The following AASS variants were observed in gnomAD, a reference collection of about 807,000 sequenced individuals.
AASS encodes the protein aminoadipate-semialdehyde synthase, also known as alpha-aminoadipic semialdehyde synthase, mitochondrial.
In AASS, 86 loss-of-function variants were observed where a neutral mutation model predicts 105.4. That is an observed-to-expected ratio of 0.82 (90% CI 0.69 to 0.98). The LOEUF is 0.98. Ranked by LOEUF, AASS falls within the 50% of genes least tolerant of loss-of-function variation. AASS has a pLI of 0.00. For missense variants in AASS, 1,048 were observed against 1,143.2 expected, an observed-to-expected ratio of 0.92 and a Z score of 1.20; for synonymous variants, 381 against 394.8, an observed-to-expected ratio of 0.96 and a Z score of 0.41.
chr7:122,141,406 A>G (rs1467319663), intron 1 of AASS, among the ~76,000 whole-genome samples: 5 of 152,180 alleles, frequency 3.3e-5, no homozygotes, highest in Non-Finnish European at 7.4e-5. Context: ...ATCGGAGTCT[A>G]GTCCAAAATG....
intron 22 of AASS, 83 bp from the exon 23 acceptor site, chr7:122,078,097 C>CTTT (rs1391364186): frequency 7.3e-7 from 1 of 1,375,360 alleles, no homozygotes; most frequent in East Asian, 2.3e-5. Flanking sequence ...CCCTTCTGGT[C>CTTT]TTAAAAGTTT....
intron 9 of AASS, among the ~76,000 whole-genome samples, chr7:122,114,298 T>C (rs1795070521): frequency 6.6e-6 from 1 of 152,208 alleles, no homozygotes; most frequent in Non-Finnish European, 1.5e-5. Flanking sequence ...TTGGAATTCT[T>C]GTTCTCCTCA....
At chr7:122,104,841 T>C (rs1401504913) in intron 11 of AASS, among the ~76,000 whole-genome samples, 1 of 151,920 alleles carries the variant, frequency 6.6e-6, no homozygotes, top group African/African-American at 2.4e-5. Context: ...CTCACTACTT[T>C]AGTGACGAAT....
At chr7:122,085,470 C>T (rs750069431) in intron 19 of AASS, among the ~76,000 whole-genome samples, 2 of 151,700 alleles carry the variant, frequency 1.3e-5, no homozygotes, top group Non-Finnish European at 2.9e-5. Flanking sequence ...TCATCCCGTC[C>T]GTTTCCTCCC....
intron 13 of AASS, among the ~76,000 whole-genome samples, chr7:122,100,776 CA>C (rs1794387459): frequency 6.6e-6 from 1 of 151,728 alleles, no homozygotes; most frequent in Non-Finnish European, 1.5e-5. Flanking sequence ...ATTAAGGAAA[CA>C]AGGGCCTTAG....
chr7:122,137,851 A>G (rs1301932873), intron 1 of AASS, among the ~76,000 whole-genome samples: 1 of 152,176 alleles, frequency 6.6e-6, no homozygotes, highest in African/African-American at 2.4e-5. Flanking sequence ...GGAAGGAGGG[A>G]AGATCAGGGT....
intron 21 of AASS, 41 bp downstream of exon 21, chr7:122,079,556 A>G: frequency 2.1e-6 from 3 of 1,405,228 alleles, no homozygotes; most frequent in Non-Finnish European, 3.0e-6. Flanking sequence ...GCAATCATTG[A>G]TCCAGTATAT....
At chr7:122,084,121 T>G (rs994094564) in intron 19 of AASS, among the ~76,000 whole-genome samples, 5 of 152,188 alleles carry the variant, frequency 3.3e-5, no homozygotes, top group African/African-American at 1.2e-4. Context: ...ACTCATATTC[T>G]TTGAACAAAT....
intron 4 of AASS, among the ~76,000 whole-genome samples, chr7:122,121,714 A>T (rs1398712574): frequency 6.6e-6 from 1 of 152,098 alleles, no homozygotes; most frequent in Non-Finnish European, 1.5e-5. Context: ...GATGTTTTTT[A>T]TGTTTGTTTA....
Position 122,078,953 on chromosome 7 carries a change from G to GA in AASS, c.2397-4dup, listed in dbSNP as rs751129137. ...GTTCATCCCCAAGTAAGCCCAACCT[G>GA]AAAAGCACAGGAGATGGCTGCATTA... On this transcript the variant is annotated splice_region_variant and splice_polypyrimidine_tract_variant and intron_variant, in intron 21 of 23. Coordinates refer to ENST00000417368, the MANE Select transcript of AASS (RefSeq NM_005763.4). The GA allele has an allele frequency of 2.5e-6, 4 of 1,614,110 alleles. No individual in the cohort carries two copies. The highest frequency in any genetic ancestry group is 3.4e-6 in the Non-Finnish European group (4 of 1,179,996).
intron 21 of AASS, 91 bp downstream of exon 21, chr7:122,079,506 G>A: frequency 2.6e-6 from 3 of 1,167,962 alleles, no homozygotes; most frequent in Middle Eastern, 1.9e-4. Flanking sequence ...ATTAATCAAA[G>A]ACAAATGTAA....
At chr7:122,121,715 T>C (rs1795448335) in intron 4 of AASS, among the ~76,000 whole-genome samples, 1 of 152,168 alleles carries the variant, frequency 6.6e-6, no homozygotes, top group Non-Finnish European at 1.5e-5. Flanking sequence ...ATGTTTTTTA[T>C]GTTTGTTTAC....
intron 9 of AASS, among the ~76,000 whole-genome samples, chr7:122,114,098 T>G (rs1283016418): frequency 6.6e-6 from 1 of 152,208 alleles, no homozygotes; most frequent in African/African-American, 2.4e-5. Flanking sequence ...GTTTTACATG[T>G]GGTTACACAT....
Position 122,115,062 on chromosome 7 carries a change from TAG to T in AASS, c.1043+10_1043+11del. The stretch of plus-strand genomic sequence containing the variant: ...GTCAAAACTACTATCGTTGCTGAAG[TAG>T]AGTCCTTACTTGTGTGGTAATGCAG... On this transcript the variant is annotated intron_variant, in intron 9 of 23. Transcript: ENST00000417368. 1.2e-6 allele frequency: 2 copies of T among 1,614,078 alleles called. No homozygotes were observed. Among genetic ancestry groups the T allele is most frequent in the East Asian group, 4.5e-5 (2 of 44,872 alleles).
rs540768421 is a variant in AASS at position 122,088,689 on chromosome 7, A to C, written c.2017-2510T>G. 3.9e-5 allele frequency among the ~76,000 whole-genome samples: 6 copies of C among 152,238 alleles called. No individual in the cohort carries two copies. In the East Asian group the frequency reaches 1.2e-3, roughly 30 times the overall value. On this transcript the variant is annotated intron_variant, in intron 18 of 23. Transcript: ENST00000417368. The stretch of plus-strand genomic sequence containing the variant: ...GCTGCAGTCAAGGTGGTGGCAGGCA[A>C]TGGATAGAGGGCTAGAAAACTTATC...
intron 18 of AASS, among the ~76,000 whole-genome samples, chr7:122,088,492 T>C (rs1189923320): frequency 6.6e-6 from 1 of 152,112 alleles, no homozygotes; most frequent in Non-Finnish European, 1.5e-5. Flanking sequence ...CTGTGTTCCT[T>C]CAACTACACT....
chr7:122,110,424 A>C (rs537402153), intron 11 of AASS, among the ~76,000 whole-genome samples: 71 of 152,040 alleles, frequency 4.7e-4, no homozygotes, highest in African/African-American at 1.6e-3. Flanking sequence ...AAGAAAAATA[A>C]AAATCTGAAC....
At chr7:122,110,394 T>C (rs2150531566) in intron 11 of AASS, among the ~76,000 whole-genome samples, 1 of 151,088 alleles carries the variant, frequency 6.6e-6, no homozygotes, top group Non-Finnish European at 1.5e-5. Flanking sequence ...TCCTAGAAAA[T>C]AAGCATACCA....
At chr7:122,114,793 G>A (rs1389544061) in intron 9 of AASS, among the ~76,000 whole-genome samples, 2 of 152,108 alleles carry the variant, frequency 1.3e-5, no homozygotes, top group African/African-American at 4.8e-5. Flanking sequence ...TATAATCCCA[G>A]TACCTTGGGA....
Sources: gnomAD v4.1 joint callset for allele counts (sites outside exome capture counted in the v4.1 genomes callset) on GRCh38, gnomAD v4.1.1 for gene constraint, MANE v1.5 for transcripts, NCBI Gene and HGNC (gene_info 2026-07-23, HGNC 2026-07-21) for gene names.